HECTD4: variants seen among roughly 807,000 people sequenced by gnomAD.
HECTD4 encodes HECT domain E3 ubiquitin protein ligase 4, also known as probable E3 ubiquitin-protein ligase HECTD4.
Under a neutral mutation model 471.5 loss-of-function variants are expected in HECTD4, and 114 were observed. The ratio of observed to expected loss-of-function variants is 0.24; its 90% CI spans 0.21 to 0.28. The LOEUF (loss-of-function observed/expected upper bound fraction) is 0.28. HECTD4 is among the 10% of genes least tolerant of loss of function. The pLI is 1.00. For synonymous variants in HECTD4, 2,012 were observed against 2,256.0 expected, an observed-to-expected ratio of 0.89 and a Z score of 3.07; for missense variants, 3,866 against 5,651.5, an observed-to-expected ratio of 0.68 and a Z score of 10.13.
chr12:112,296,833 G>GTGGAGGTGCAGTGGA (rs2035035609), intron 7 of HECTD4, among the ~76,000 whole-genome samples: 1 of 149,976 alleles, frequency 6.7e-6, no homozygotes, highest in Non-Finnish European at 1.5e-5. Flanking sequence ...GGTGCAGAAG[G>GTGGAGGTGCAGTGGA]TGGAGGTGCA....
At chr12:112,185,997 CT>C (rs1203501004) in intron 60 of HECTD4, among the ~76,000 whole-genome samples, 1 of 152,048 alleles carries the variant, frequency 6.6e-6, no homozygotes, top group Non-Finnish European at 1.5e-5. Flanking sequence ...TTTTATTTTT[CT>C]TTTTTGAGAC....
At position 112,203,782 on chromosome 12, in the gene HECTD4, G is replaced by A. The variant is rs780801488; in HGVS notation, c.8270-10C>T. 6.5e-7 allele frequency: 1 copy of A among 1,541,804 alleles called. No individual in the cohort carries two copies. The highest frequency in any genetic ancestry group is 8.8e-7 in the Non-Finnish European group (1 of 1,139,488). On this transcript the variant is annotated splice_polypyrimidine_tract_variant and intron_variant, in intron 53 of 75. Transcript: ENST00000682272. ...GTTACTACTGTGAGACCTGAGGAGT[G>A]TAGAGGGAGAAGTTTTTCAGGAAAA...
At chr12:112,361,743 TC>T (rs1418371796) in intron 1 of HECTD4, among the ~76,000 whole-genome samples, 1 of 152,140 alleles carries the variant, frequency 6.6e-6, no homozygotes, top group African/African-American at 2.4e-5. Flanking sequence ...CATTTTAAAG[TC>T]CCAGGTTATT....
Position 112,381,346 on chromosome 12 carries a change from C to T in HECTD4, c.177+606G>A, listed in dbSNP as rs572775132. ...GTGCATGGAGGGCCGCTGGAGCATC[C>T]CTCTCGCTGTCCACAGCGCCCGCTT... On this transcript the variant is annotated intron_variant, in intron 1 of 75. Coordinates refer to ENST00000682272, the MANE Select transcript of HECTD4 (RefSeq NM_001388303.1). This position sits in a 1 kb window ranked among gnomAD's most constrained non-coding sequence, Gnocchi z 4.1. Among the ~76,000 whole-genome samples, 5 of 152,222 alleles carry T rather than the reference C, an allele frequency of 3.3e-5. No homozygotes were observed. The highest frequency in any genetic ancestry group is 3.3e-4 in the Admixed American group (5 of 15,292).
At chr12:112,311,259 T>C (rs1033607662) in intron 4 of HECTD4, among the ~76,000 whole-genome samples, 2 of 148,332 alleles carry the variant, frequency 1.3e-5, no homozygotes, top group Non-Finnish European at 3.0e-5. Flanking sequence ...CGAAGCTCTG[T>C]CTCAAAAAAA....
rs1348349656 is a variant in HECTD4, at chr12:112,192,661, G to A, written c.9191C>T (p.Pro3064Leu). The change falls in exon 59 of 76, where the codon CCG becomes CTG. Residue 3064 changes from proline (P) to leucine (L), a missense_variant. Around this residue, in one of 16 missense-constraint regions of HECTD4, gnomAD observed 364 missense variants for 413.2 expected, o/e 0.88. Transcript: ENST00000682272. ...QLNLIEAACY[P>L]RDASPANTGL... ...AGTGTTGGCTGGGGACGCGTCCCGCGGGTAACAGGCGGCCTCGATGAGGTT... is the reference window on the plus strand; with the variant it reads ...AGTGTTGGCTGGGGACGCGTCCCGCAGGTAACAGGCGGCCTCGATGAGGTT... 2 of 1,606,866 alleles carry A rather than the reference G, an allele frequency of 1.2e-6. No homozygotes were observed. Among genetic ancestry groups the A allele is most frequent in the Non-Finnish European group, 8.5e-7 (1 of 1,177,032 alleles).
intron 60 of HECTD4, among the ~76,000 whole-genome samples, chr12:112,186,397 G>C (rs1463543940): frequency 2.7e-5 from 4 of 145,812 alleles, no homozygotes; most frequent in Admixed American, 1.4e-4. Flanking sequence ...GAGTGCAGTG[G>C]CGTGATCTCA....
At chr12:112,210,629 C>T (rs2032735053) in intron 49 of HECTD4, among the ~76,000 whole-genome samples, 1 of 152,196 alleles carries the variant, frequency 6.6e-6, no homozygotes, top group African/African-American at 2.4e-5. Flanking sequence ...GCTAATATTC[C>T]AGACCTGGCT....
chr12:112,250,088 A>G, intron 25 of HECTD4, 56 bp downstream of exon 25: 1 of 1,240,562 alleles, frequency 8.1e-7, no homozygotes, highest in Non-Finnish European at 1.2e-6. Context: ...ACCCATTTCA[A>G]TTGTTTAAAC....
rs191450839 is a variant in HECTD4, at chr12:112,230,871, C to G, written c.6201-49G>C. Reference sequence around the variant, plus strand: ...TGTCAGTGCCCAGTGATGGTTAAGACTGCAGGGAAGTGGCTTTCAGGGTTA... The same window carrying G: ...TGTCAGTGCCCAGTGATGGTTAAGAGTGCAGGGAAGTGGCTTTCAGGGTTA... On this transcript the variant is annotated intron_variant, in intron 39 of 75. Coordinates refer to ENST00000682272, the MANE Select transcript of HECTD4 (RefSeq NM_001388303.1). The G allele has an allele frequency of 5.8e-6, 9 of 1,561,778 alleles. No homozygotes were observed. The East Asian group carries it at 2.1e-4, about 36-fold the overall frequency.
chr12:112,352,661 C>A (rs1247024991), intron 1 of HECTD4, among the ~76,000 whole-genome samples: 1 of 151,830 alleles, frequency 6.6e-6, no homozygotes, highest in Non-Finnish European at 1.5e-5. Context: ...GGCTGAAGTA[C>A]GGTGGTGCCA....
chr12:112,167,915 C>T lies in HECTD4; in HGVS notation c.12211G>A (p.Gly4071Ser), dbSNP rs1285923271. The T allele has an allele frequency of 1.2e-6, 2 of 1,613,138 alleles. No homozygotes were observed. The highest frequency in any genetic ancestry group is 1.7e-5 in the Admixed American group (1 of 60,008). ...TGCCACAGGAAGTGGCGGAAAGAGC[C>T]GCCTGTAGGACAGACGAGACACATG... Reference protein sequence around the residue: ...FTGEEVHGTSGSFRHFLWQVC... With the variant: ...FTGEEVHGTSSSFRHFLWQVC... Residue 4071 changes from glycine to serine, a missense_variant and splice_region_variant, in exon 71 of 76, where the codon GGC (glycine) becomes AGC (serine). Coordinates refer to ENST00000682272, the MANE Select transcript of HECTD4 (RefSeq NM_001388303.1).
At position 112,171,262 on chromosome 12, in the gene HECTD4, G is replaced by A. The variant is rs1384244601; in HGVS notation, c.11787C>T (p.Asn3929=). The A allele has an allele frequency of 1.9e-6, 3 of 1,600,402 alleles. No individual in the cohort carries two copies. Among genetic ancestry groups the A allele is most frequent in the African/African-American group, 1.3e-5 (1 of 74,768 alleles). ...AADPRVACLL[N]VPIESLRLRF... ...GCAGGCGCAGGCTCTCGATGGGCAC[G>A]TCTGAGGGCGCAGGAGCAGTCAGGC... Residue 3929 remains asparagine, a splice_region_variant and synonymous_variant, in exon 68 of 76, where the codon AAC becomes AAT. Coordinates refer to ENST00000682272, the MANE Select transcript of HECTD4 (RefSeq NM_001388303.1).
chr12:112,374,317 C>G (rs986365843), intron 1 of HECTD4, among the ~76,000 whole-genome samples: 2 of 152,132 alleles, frequency 1.3e-5, no homozygotes, highest in East Asian at 3.9e-4. Flanking sequence ...GAGTGAGAAC[C>G]TGTCTCTAGA....
In HECTD4 at chr12:112,248,461, A is replaced by G. The variant is rs772824197; in HGVS notation, c.4002T>C (p.Ile1334=). ...VMEEMVVSCV[I]KHLNLVDALQ... The stretch of plus-strand genomic sequence containing the variant: ...GTGCATCAACCAAGTTCAAGTGCTT[A>G]ATAACACAAGATACCACCATTTCCT... Residue 1334 remains isoleucine (I), a synonymous_variant, in exon 26 of 76, where the codon ATT becomes ATC. Coordinates refer to ENST00000682272, the MANE Select transcript of HECTD4 (RefSeq NM_001388303.1). 2 of 1,611,756 alleles carry G rather than the reference A, an allele frequency of 1.2e-6. No individual in the cohort carries two copies. The highest frequency in any genetic ancestry group is 1.7e-6 in the Non-Finnish European group (2 of 1,179,070).
At chr12:112,302,441 G>A in intron 7 of HECTD4, 1 of 754,066 alleles carries the variant, frequency 1.3e-6, no homozygotes, top group East Asian at 2.5e-5. Flanking sequence ...AATAGCAGGA[G>A]GCACTTTCAG....
chr12:112,207,116 G>GGTATGTA, intron 52 of HECTD4, among the ~76,000 whole-genome samples: 1 of 147,450 alleles, frequency 6.8e-6, no homozygotes. Flanking sequence ...ATGTGTGTGT[G>GGTATGTA]TGTATGTATG....
At chr12:112,256,245 AG>A in intron 21 of HECTD4, 74 bp downstream of exon 21, 1 of 1,101,476 alleles carries the variant, frequency 9.1e-7, no homozygotes, top group South Asian at 2.0e-5. Context: ...GGTGACCAGC[AG>A]CAAAGAAAAA....
intron 64 of HECTD4, among the ~76,000 whole-genome samples, chr12:112,178,048 A>AT (rs1266070886): frequency 2.6e-5 from 4 of 152,176 alleles, no homozygotes; most frequent in African/African-American, 9.7e-5. Flanking sequence ...GGGCAATTCA[A>AT]TTTTTTCCAA....
Sources: allele counts gnomAD v4.1 joint callset (sites outside exome capture counted in the v4.1 genomes callset), GRCh38; gene constraint gnomAD v4.1.1; regional missense constraint gnomAD v4.1.1; non-coding constraint Gnocchi (gnomAD v3.1); transcripts MANE v1.5; gene names NCBI Gene and HGNC (gene_info 2026-07-23, HGNC 2026-07-21).